The following LIMS1 variants were observed in gnomAD, a reference collection of about 807,000 sequenced individuals.
The protein encoded by LIMS1 is LIM and senescent cell antigen-like-containing domain protein 1.
In LIMS1, 18 loss-of-function variants were observed where a neutral mutation model predicts 44.1. That is an observed-to-expected ratio of 0.41 (90% CI 0.28 to 0.61). The LOEUF is 0.61. LIMS1 is among the 20% of genes least tolerant of loss of function. The pLI is 0.32. For synonymous variants in LIMS1, 93 were observed against 149.1 expected (o/e 0.62, Z 2.74); for missense variants, 201 against 422.0 (o/e 0.48, Z 4.59).
At chr2:108,626,169 T>A (rs771786137) in intron 1 of LIMS1, among the ~76,000 whole-genome samples, 1 of 152,254 alleles carries the variant, frequency 6.6e-6, no homozygotes, top group Non-Finnish European at 1.5e-5. Context: ...TTTTGCAGTT[T>A]GCTGATCACT....
rs534088071 is a variant in LIMS1 at position 108,552,446 on chromosome 2, T to C, written c.32+17852T>C. ...TATAGTTAAAAATATAAATATAAAATATACAGTTAAATATATTAATATATA... is the reference window on the plus strand; with the variant it reads ...TATAGTTAAAAATATAAATATAAAACATACAGTTAAATATATTAATATATA... On this transcript the variant is annotated intron_variant, in intron 1 of 9. Transcript: ENST00000544547. 9.6e-5 allele frequency among the ~76,000 whole-genome samples: 14 copies of C among 145,356 alleles called. No individual in the cohort carries two copies. In the East Asian group the frequency reaches 2.6e-3, roughly 27 times the overall value.
intron 1 of LIMS1, among the ~76,000 whole-genome samples, chr2:108,589,475 A>T (rs187527243): frequency 7.2e-5 from 11 of 152,212 alleles, no homozygotes; most frequent in Non-Finnish European, 1.5e-4. Flanking sequence ...TCTTAGTTTC[A>T]TTGATTCTGT....
intron 1 of LIMS1, among the ~76,000 whole-genome samples, chr2:108,534,867 G>T (rs570329832): frequency 8.5e-5 from 13 of 152,306 alleles, no homozygotes; most frequent in African/African-American, 2.6e-4. Flanking sequence ...AGACAAATCA[G>T]TATTTGCCGA....
intron 1 of LIMS1, among the ~76,000 whole-genome samples, chr2:108,581,174 A>G (rs988301860): frequency 1.3e-5 from 2 of 152,228 alleles, no homozygotes; most frequent in Admixed American, 6.5e-5. Context: ...GCACAAAACC[A>G]GTTAGGCCTT....
chr2:108,662,489 A>G (rs1691448406), intron 2 of LIMS1: 1 of 1,355,678 alleles, frequency 7.4e-7, no homozygotes, highest in South Asian at 1.5e-5. Flanking sequence ...TAGGCTATTC[A>G]TGGGCTGTTG....
chr2:108,648,051 T>C (rs1690195555), intron 1 of LIMS1, among the ~76,000 whole-genome samples: 1 of 152,252 alleles, frequency 6.6e-6, no homozygotes, highest in Non-Finnish European at 1.5e-5. Flanking sequence ...GACATGATTG[T>C]ATGTTTAGAA....
chr2:108,684,724 A>G (rs1285950008), exon 10 of LIMS1: 1 of 152,106 alleles, frequency 6.6e-6, no homozygotes, highest in African/African-American at 2.4e-5. Flanking sequence ...AATATACTTT[A>G]CAATATTGGA....
At chr2:108,584,244 G>C (rs967082001) in intron 1 of LIMS1, among the ~76,000 whole-genome samples, 1 of 152,158 alleles carries the variant, frequency 6.6e-6, no homozygotes, top group Non-Finnish European at 1.5e-5. Flanking sequence ...CACTTTGTCA[G>C]GCTTAGGGTA....
chr2:108,537,600 G>A (rs1332182819), intron 1 of LIMS1, among the ~76,000 whole-genome samples: 6 of 152,174 alleles, frequency 3.9e-5, no homozygotes, highest in South Asian at 2.1e-4. Flanking sequence ...TGAGAAAATC[G>A]AACTGTTGAT....
chr2:108,564,479 T>G (rs10169086), intron 1 of LIMS1, among the ~76,000 whole-genome samples: 7,650 of 152,168 alleles, frequency 0.05, 275 homozygotes, highest in South Asian at 0.15. Context: ...AGAGATAGAC[T>G]TATTTTGAGG....
At chr2:108,627,495 G>C (rs918947318) in intron 1 of LIMS1, among the ~76,000 whole-genome samples, 1 of 147,712 alleles carries the variant, frequency 6.8e-6, no homozygotes, top group Non-Finnish European at 1.5e-5. Flanking sequence ...TTGTCAGTAC[G>C]CATCATATTA....
intron 1 of LIMS1, among the ~76,000 whole-genome samples, chr2:108,586,570 A>T (rs1013247832): frequency 6.6e-6 from 1 of 152,246 alleles, no homozygotes; most frequent in African/African-American, 2.4e-5. Context: ...GTACGTCCTT[A>T]TGCGAGTGGC....
At chr2:108,642,504 C>T (rs897259408) in intron 1 of LIMS1, among the ~76,000 whole-genome samples, 10 of 151,452 alleles carry the variant, frequency 6.6e-5, no homozygotes, top group Non-Finnish European at 2.9e-5. Flanking sequence ...GGACTACAGG[C>T]GCCCGCTACC....
intron 1 of LIMS1, among the ~76,000 whole-genome samples, chr2:108,561,678 A>G (rs565473675): frequency 6.6e-6 from 1 of 151,140 alleles, no homozygotes; most frequent in African/African-American, 2.4e-5. Flanking sequence ...GGTAATTCTC[A>G]CAATATTTCA....
intron 1 of LIMS1, among the ~76,000 whole-genome samples, chr2:108,617,398 C>G (rs1448938669): frequency 6.6e-6 from 1 of 152,100 alleles, no homozygotes; most frequent in Non-Finnish European, 1.5e-5. Flanking sequence ...ATGAAAGCTT[C>G]AGAGTTTTAG....
chr2:108,649,163 A>C (rs1294245682), intron 1 of LIMS1, among the ~76,000 whole-genome samples: 4 of 152,220 alleles, frequency 2.6e-5, no homozygotes, highest in Admixed American at 2.6e-4. Context: ...AAAAGTGGGC[A>C]AAGGATATGA....
intron 1 of LIMS1, among the ~76,000 whole-genome samples, chr2:108,562,263 A>C (rs116673186): frequency 0.017 from 2,550 of 152,310 alleles, 42 homozygotes; most frequent in African/African-American, 0.035. Flanking sequence ...ATAATCTTTT[A>C]AGTGTTACAG....
At chr2:108,591,625 A>C (rs1686399272) in intron 1 of LIMS1, among the ~76,000 whole-genome samples, 1 of 151,704 alleles carries the variant, frequency 6.6e-6, no homozygotes. Flanking sequence ...ATGCCTGGCT[A>C]ATTTTTAAAA....
rs548590946 is a variant in LIMS1, at chr2:108,633,174, T to A, written c.33-26431T>A. Among the ~76,000 whole-genome samples the A allele has an allele frequency of 7.9e-5, 12 of 152,336 alleles. 1 individual carries two copies. In the South Asian group the frequency reaches 2.3e-3, roughly 29 times the overall value. The stretch of plus-strand genomic sequence containing the variant: ...TTTTTGCCAGCATCTTAATTCTTAC[T>A]AATTGATTTGGTGAGGTTATTTTTA... On this transcript the variant is annotated intron_variant, in intron 1 of 9. Transcript: ENST00000544547.
Sources: allele counts gnomAD v4.1 joint callset (sites outside exome capture counted in the v4.1 genomes callset), GRCh38; gene constraint gnomAD v4.1.1; transcripts MANE v1.5; gene names NCBI Gene and HGNC (gene_info 2026-07-23, HGNC 2026-07-21).